The following ITGBL1 variants were observed in gnomAD, a reference collection of about 807,000 sequenced individuals.
The protein encoded by ITGBL1 is integrin subunit beta like 1, also known as integrin beta-like protein 1.
Under a neutral mutation model 68.5 loss-of-function variants are expected in ITGBL1, and 51 were observed. That is an observed-to-expected ratio of 0.74 (90% CI 0.59 to 0.94). The LOEUF (loss-of-function observed/expected upper bound fraction) is 0.94. Among genes scored for constraint, ITGBL1 ranks in the 40% least tolerant of loss-of-function variants. The pLI, the probability that ITGBL1 is intolerant of heterozygous loss-of-function variation, is 0.00. For missense variants in ITGBL1, 649 were observed against 647.4 expected (o/e 1.00, Z -0.03); for synonymous variants, 209 against 227.3 (o/e 0.92, Z 0.72).
intron 6 of ITGBL1, among the ~76,000 whole-genome samples, chr13:101,595,220 C>A (rs1379833157): frequency 2.6e-5 from 4 of 152,122 alleles, no homozygotes; most frequent in African/African-American, 4.8e-5. Context: ...AAAGTGGAGG[C>A]AGAGCTAGTG....
intron 9 of ITGBL1, 118 bp downstream of exon 9, chr13:101,707,020 C>T (rs2034279038): frequency 2.1e-6 from 2 of 959,620 alleles, no homozygotes; most frequent in Non-Finnish European, 3.1e-6. Flanking sequence ...CCACTATGTC[C>T]TCTGCTGTCC....
intron 2 of ITGBL1, among the ~76,000 whole-genome samples, chr13:101,499,749 C>T (rs911558820): frequency 6.6e-6 from 1 of 152,118 alleles, no homozygotes; most frequent in Admixed American, 6.5e-5. Flanking sequence ...ATTACTCTGA[C>T]TTTAAAAAAG....
chr13:101,464,011 C>T (rs148210139), intron 2 of ITGBL1, among the ~76,000 whole-genome samples: 9 of 150,534 alleles, frequency 6.0e-5, no homozygotes, highest in Non-Finnish European at 8.8e-5. Context: ...CGGATTCAAA[C>T]GAATCTCCTG....
intron 7 of ITGBL1, among the ~76,000 whole-genome samples, chr13:101,613,692 T>TA (rs1242207419): frequency 1.3e-5 from 2 of 152,030 alleles, no homozygotes; most frequent in African/African-American, 2.4e-5. Flanking sequence ...CTTCATCCTT[T>TA]AAAAAAATCA....
chr13:101,703,948 G>T (rs558692797), intron 8 of ITGBL1, among the ~76,000 whole-genome samples: 1 of 152,240 alleles, frequency 6.6e-6, no homozygotes, highest in South Asian at 2.1e-4. Context: ...GTTAACATAG[G>T]CCTTGGAACC....
At chr13:101,702,625 A>G (rs933497523) in intron 8 of ITGBL1, among the ~76,000 whole-genome samples, 1 of 152,216 alleles carries the variant, frequency 6.6e-6, no homozygotes, top group African/African-American at 2.4e-5. Context: ...ATATTTTTCT[A>G]TGCAATACAG....
At chr13:101,521,637 G>A (rs2049286576) in intron 2 of ITGBL1, among the ~76,000 whole-genome samples, 1 of 152,010 alleles carries the variant, frequency 6.6e-6, no homozygotes, top group African/African-American at 2.4e-5. Context: ...TCGAAGACCT[G>A]GACAGAAGAG....
intron 8 of ITGBL1, among the ~76,000 whole-genome samples, chr13:101,701,862 T>A (rs558928596): frequency 6.6e-6 from 1 of 152,156 alleles, no homozygotes; most frequent in Non-Finnish European, 1.5e-5. Context: ...CTTACTGTTT[T>A]ATGGGTGCTT....
chr13:101,478,967 A>T (rs1368669349), intron 2 of ITGBL1, among the ~76,000 whole-genome samples: 2 of 152,056 alleles, frequency 1.3e-5, no homozygotes, highest in Admixed American at 1.3e-4. Flanking sequence ...TAATCTTAAA[A>T]TTTATTGAAC....
At chr13:101,479,134 G>T (rs2139033895) in intron 2 of ITGBL1, among the ~76,000 whole-genome samples, 1 of 151,992 alleles carries the variant, frequency 6.6e-6, no homozygotes, top group African/African-American at 2.4e-5. Flanking sequence ...GAATAGAATA[G>T]AGAACACATA....
At chr13:101,580,539 ATTAAC>A (rs1186259998) in intron 5 of ITGBL1, among the ~76,000 whole-genome samples, 1 of 152,200 alleles carries the variant, frequency 6.6e-6, no homozygotes, top group African/African-American at 2.4e-5. Context: ...TGCTGCACCC[ATTAAC>A]TTATCATTTA....
chr13:101,599,218 G>T (rs2030194768), intron 7 of ITGBL1, among the ~76,000 whole-genome samples: 1 of 151,692 alleles, frequency 6.6e-6, no homozygotes, highest in East Asian at 1.9e-4. Flanking sequence ...GTGTCTTTTG[G>T]CTGCATAAAT....
At chr13:101,586,454 C>G (rs181399423) in intron 6 of ITGBL1, among the ~76,000 whole-genome samples, 1 of 152,200 alleles carries the variant, frequency 6.6e-6, no homozygotes. Flanking sequence ...TACAGAGACT[C>G]TACTCTATTG....
At chr13:101,552,724 T>G (rs1229429117) in intron 2 of ITGBL1, among the ~76,000 whole-genome samples, 1 of 152,204 alleles carries the variant, frequency 6.6e-6, no homozygotes, top group African/African-American at 2.4e-5. Flanking sequence ...TATAAATGTT[T>G]GTTAATTTTG....
intron 2 of ITGBL1, among the ~76,000 whole-genome samples, chr13:101,483,197 T>C (rs2048651503): frequency 8.5e-6 from 1 of 117,788 alleles, no homozygotes; most frequent in South Asian, 2.6e-4. Context: ...AGAGAAATTA[T>C]CTCACCTGGA....
At chr13:101,575,667 T>C in intron 4 of ITGBL1, 121 bp downstream of exon 4, 1 of 962,922 alleles carries the variant, frequency 1.0e-6, no homozygotes, top group Non-Finnish European at 1.6e-6. Context: ...AAACCTATGT[T>C]TATCTGGAAA....
chr13:101,609,157 C>T (rs1002704731), intron 7 of ITGBL1, among the ~76,000 whole-genome samples: 1 of 151,978 alleles, frequency 6.6e-6, no homozygotes, highest in Non-Finnish European at 1.5e-5. Flanking sequence ...TTTCTTTATA[C>T]TCATTATGAT....
chr13:101,575,337 A>T, intron 3 of ITGBL1, 87 bp from the exon 4 acceptor site: 2 of 1,232,128 alleles, frequency 1.6e-6, no homozygotes, highest in Non-Finnish European at 1.2e-6. Context: ...TGGATTATCT[A>T]CTCTCTTGAG....
intron 2 of ITGBL1, among the ~76,000 whole-genome samples, chr13:101,486,677 G>T (rs1230310366): frequency 1.3e-5 from 2 of 152,148 alleles, no homozygotes; most frequent in Non-Finnish European, 1.5e-5. Flanking sequence ...TAGACCTCTT[G>T]CAGCTTTGAA....
Sources: allele counts gnomAD v4.1 joint callset (sites outside exome capture counted in the v4.1 genomes callset), GRCh38; gene constraint gnomAD v4.1.1; transcripts MANE v1.5; gene names NCBI Gene and HGNC (gene_info 2026-07-23, HGNC 2026-07-21).